ITPR3: variants seen among roughly 807,000 people sequenced by gnomAD.
ITPR3 encodes inositol 1,4,5-trisphosphate-gated calcium channel ITPR3.
A neutral mutation model predicts 293.2 loss-of-function variants in ITPR3; 173 were observed. The observed-to-expected ratio is 0.59, with a 90% CI of 0.52 to 0.67. The LOEUF is 0.67. Among genes scored for constraint, ITPR3 ranks in the 30% least tolerant of loss-of-function variants. The pLI, the probability that ITPR3 is intolerant of heterozygous loss-of-function variation, is 0.00. For missense variants in ITPR3, 2,796 were observed against 3,592.1 expected (o/e 0.78, Z 5.66); for synonymous variants, 1,295 against 1,444.4 (o/e 0.90, Z 2.35).
rs1376529086 is a variant in ITPR3, at chr6:33,667,575, C to T, written c.1714-217C>T. Among the ~76,000 whole-genome samples the T allele has an allele frequency of 1.3e-5, 2 of 152,222 alleles. No individual in the cohort carries two copies. The highest frequency in any genetic ancestry group is 4.8e-5 in the African/African-American group (2 of 41,458). ...CTTCCACACAAACAAGGTCCCTGCC[C>T]TCGTGGAGGTTTCGCTCTGGTGGGA... is the stretch of plus-strand genomic sequence containing the variant. On this transcript the variant is annotated intron_variant, in intron 15 of 57. Transcript: ENST00000605930. This position sits in a 1 kb window ranked among gnomAD's most constrained non-coding sequence, Gnocchi z 4.4.
rs780438879 is a variant in ITPR3, at chr6:33,693,649, G to A, written c.7729G>A (p.Val2577Met). 23 of 1,614,106 alleles carry A rather than the reference G, an allele frequency of 1.4e-5. No homozygotes were observed. Among genetic ancestry groups the A allele is most frequent in the African/African-American group, 9.3e-5 (7 of 74,952 alleles). The change falls in exon 56 of 58, where the codon GTG (valine) becomes ATG (methionine). Residue 2577 changes from valine (V) to methionine (M), a missense_variant. Physicochemically the swap from Val to Met is conservative, Grantham distance 21. This residue lies in a region of ITPR3 where 568 missense variants were observed against 796.1 expected (regional missense o/e 0.71). Transcript: ENST00000605930. ...CTTGTACTTCATTGTGCTGGTCCGC[G>A]TGAAGAACAAGACCGACTACACGGG... is the stretch of plus-strand genomic sequence containing the variant. ...NYLYFIVLVR[V>M]KNKTDYTGPE... is the part of the protein sequence containing the mutation.
At chr6:33,645,899 AC>A in intron 2 of ITPR3, among the ~76,000 whole-genome samples, 1 of 151,362 alleles carries the variant, frequency 6.6e-6, no homozygotes, top group Non-Finnish European at 1.5e-5. Flanking sequence ...GTGCAATGGC[AC>A]GATCTCAGCT....
At chr6:33,677,396 T>G (rs1340199559) in intron 27 of ITPR3, 108 bp from the exon 28 acceptor site, 1 of 1,504,700 alleles carries the variant, frequency 6.6e-7, no homozygotes, top group Non-Finnish European at 9.0e-7. Context: ...TGTGACCTCC[T>G]TCCCCCTTCC....
At chr6:33,678,950 A>G in intron 30 of ITPR3, 111 bp downstream of exon 30, 1 of 1,089,054 alleles carries the variant, frequency 9.2e-7, no homozygotes, top group South Asian at 1.5e-5. Flanking sequence ...CACAAAAGGA[A>G]CACTCAGCTG....
Position 33,621,828 on chromosome 6 carries a change from G to T in ITPR3, c.89+137G>T. The T allele has an allele frequency of 1.5e-6, 1 of 656,618 alleles. No individual in the cohort carries two copies. Among genetic ancestry groups the T allele is most frequent in the South Asian group, 1.9e-5 (1 of 52,580 alleles). The allele number at this position is 656,618 out of a possible 1,614,324, so 40.7% of individuals were successfully genotyped here. ...TAGTCTCAAGGAGCGGGAACGGCTCGCCTCCTTCTTTTACAGAAAGGAAGT... is the reference window on the plus strand; with the variant it reads ...TAGTCTCAAGGAGCGGGAACGGCTCTCCTCCTTCTTTTACAGAAAGGAAGT... On this transcript the variant is annotated intron_variant, in intron 1 of 57. Transcript: ENST00000605930. This position sits in a 1 kb window ranked among gnomAD's most constrained non-coding sequence, Gnocchi z 7.7.
chr6:33,695,093 C>G lies in ITPR3; in HGVS notation c.7947+8C>G, dbSNP rs1321743129. The G allele has an allele frequency of 6.2e-7, 1 of 1,612,748 alleles. No homozygotes were observed. The highest frequency in any genetic ancestry group is 1.7e-5 in the Admixed American group (1 of 60,006). On this transcript the variant is annotated splice_region_variant and intron_variant, in intron 57 of 57. Transcript: ENST00000605930. ...AACGAGCTCAAGGAGCAGGTGTGCA[C>G]CCCGCCTGATCCCAGGCCCACCCTG...
chr6:33,625,579 A>C (rs1763533002), intron 1 of ITPR3, among the ~76,000 whole-genome samples: 1 of 152,152 alleles, frequency 6.6e-6, no homozygotes, highest in Non-Finnish European at 1.5e-5. Context: ...ACAGAAAGTA[A>C]ACTGGGGGAG....
chr6:33,642,738 C>T (rs1053713274), intron 2 of ITPR3, among the ~76,000 whole-genome samples: 1 of 152,144 alleles, frequency 6.6e-6, no homozygotes, highest in African/African-American at 2.4e-5. Flanking sequence ...TGAGGCCCAC[C>T]CCAGGATACC....
chr6:33,657,825 GT>G, intron 3 of ITPR3, 106 bp from the exon 4 acceptor site: 1 of 733,402 alleles, frequency 1.4e-6, no homozygotes. Context: ...CTGTGTGTGT[GT>G]GTGTGTGTTT....
chr6:33,678,100 T>C (rs1764958709), intron 28 of ITPR3, among the ~76,000 whole-genome samples: 1 of 152,144 alleles, frequency 6.6e-6, no homozygotes, highest in Non-Finnish European at 1.5e-5. Context: ...CCCTGGCTCC[T>C]GACTCCAATC....
rs927728632 is a variant in ITPR3 at position 33,670,220 on chromosome 6, T to G, written c.2190-105T>G. ...AATTGCAGCTGGCGCATCTTTAACC[T>G]AATCCCTTTGCCACTTTACTGAGTC... is the stretch of plus-strand genomic sequence containing the variant. On this transcript the variant is annotated intron_variant, in intron 18 of 57. Transcript: ENST00000605930. The surrounding 1 kb of genome is among the most constrained non-coding windows in gnomAD (Gnocchi z 6.7). The G allele has an allele frequency of 2.4e-6, 3 of 1,252,010 alleles. No homozygotes were observed. In the African/African-American group the frequency reaches 4.4e-5, roughly 18 times the overall value. The allele number at this position is 1,252,010 out of a possible 1,614,324, so 77.6% of individuals were successfully genotyped here.
chr6:33,672,144 T>G lies in ITPR3; in HGVS notation c.2844T>G (p.Ala948=). 1.2e-6 allele frequency: 2 copies of G among 1,614,074 alleles called. No individual in the cohort carries two copies. The highest frequency in any genetic ancestry group is 3.3e-4 in the Middle Eastern group (2 of 6,062). The change falls in exon 22 of 58, where the codon GCT becomes GCG. Residue 948 remains alanine (A), a synonymous_variant. Coordinates refer to ENST00000605930, the MANE Select transcript of ITPR3 (RefSeq NM_002224.4). The surrounding 1 kb of genome is among the most constrained non-coding windows in gnomAD (Gnocchi z 5.0). ...GCCTGTCTGCTGGGGCCAGTGCTGC[T>G]GAGCCGCTGGACAGAAGCAAGTTTG... ...APSLSAGASA[A]EPLDRSKFEE...
Position 33,694,987 on chromosome 6 carries a change from G to A in ITPR3, c.7849G>A (p.Gly2617Arg). The change falls in exon 57 of 58, where the codon GGG becomes AGG. Residue 2617 changes from glycine (G) to arginine (R), a missense_variant. This residue lies in a region of ITPR3 where 568 missense variants were observed against 796.1 expected (regional missense o/e 0.71). Transcript: ENST00000605930. ...GTCCCTTGTCAGCAATGAGGGCGAGGGGGAGCAGAATGAGATTCGGATTCT... is the reference window on the plus strand; with the variant it reads ...GTCCCTTGTCAGCAATGAGGGCGAGAGGGAGCAGAATGAGATTCGGATTCT... ...AMSLVSNEGE[G>R]EQNEIRILQD... 1 of 1,614,152 alleles carries A rather than the reference G, an allele frequency of 6.2e-7. No individual in the cohort carries two copies. The highest frequency in any genetic ancestry group is 8.5e-7 in the Non-Finnish European group (1 of 1,180,032).
In ITPR3 at chr6:33,695,088, G is replaced by A. The variant is rs1230999655; in HGVS notation, c.7947+3G>A. 1.2e-6 allele frequency: 2 copies of A among 1,613,396 alleles called. No individual in the cohort carries two copies. Among genetic ancestry groups the A allele is most frequent in the Non-Finnish European group, 1.7e-6 (2 of 1,179,884 alleles). On this transcript the variant is annotated splice_donor_region_variant and intron_variant, in intron 57 of 57. Coordinates refer to ENST00000605930, the MANE Select transcript of ITPR3 (RefSeq NM_002224.4). Reference sequence around the variant, plus strand: ...AGCTCAACGAGCTCAAGGAGCAGGTGTGCACCCCGCCTGATCCCAGGCCCA... The same window carrying A: ...AGCTCAACGAGCTCAAGGAGCAGGTATGCACCCCGCCTGATCCCAGGCCCA...
In ITPR3 at chr6:33,668,777, C is replaced by T. The variant is rs555815204; in HGVS notation, c.2006+143C>T. 185 of 1,377,182 alleles carry T rather than the reference C, an allele frequency of 1.3e-4. 2 individuals are homozygous for T. In the South Asian group the frequency reaches 1.8e-3, roughly 13 times the overall value. The allele number at this position is 1,377,182 out of a possible 1,614,324, so 85.3% of individuals were successfully genotyped here. Reference sequence around the variant, plus strand: ...TGAACTCTGTGCCTGTTATGTGCCCCGCTGTGTGCCTGGCACTGTGGGGGA... The same window carrying T: ...TGAACTCTGTGCCTGTTATGTGCCCTGCTGTGTGCCTGGCACTGTGGGGGA... On this transcript the variant is annotated intron_variant, in intron 17 of 57. Coordinates refer to ENST00000605930, the MANE Select transcript of ITPR3 (RefSeq NM_002224.4).
chr6:33,637,699 G>A (rs1763856313), intron 1 of ITPR3, among the ~76,000 whole-genome samples: 1 of 151,458 alleles, frequency 6.6e-6, no homozygotes, highest in Non-Finnish European at 1.5e-5. Context: ...CTCGATCTCG[G>A]CTCACTGCAA....
intron 33 of ITPR3, 143 bp downstream of exon 33, chr6:33,680,823 T>A: frequency 1.3e-6 from 1 of 783,680 alleles, no homozygotes; most frequent in Non-Finnish European, 1.7e-6. Context: ...TGGTTATCTT[T>A]TTTTTTTTTT....
rs1247717538 is a variant in ITPR3 at position 33,688,445 on chromosome 6, G to A, written c.6568+14G>A. ...GCAAGCTCCGCAGTGAGGACCCACGGGCGGGAGGGTGGGGCGGTCTGGAGC... is the reference window on the plus strand; with the variant it reads ...GCAAGCTCCGCAGTGAGGACCCACGAGCGGGAGGGTGGGGCGGTCTGGAGC... On this transcript the variant is annotated intron_variant, in intron 48 of 57. Coordinates refer to ENST00000605930, the MANE Select transcript of ITPR3 (RefSeq NM_002224.4). 4 of 1,518,108 alleles carry A rather than the reference G, an allele frequency of 2.6e-6. No homozygotes were observed. The highest frequency in any genetic ancestry group is 3.5e-6 in the Non-Finnish European group (4 of 1,137,288). The allele number at this position is 1,518,108 out of a possible 1,614,324, so 94.0% of individuals were successfully genotyped here. A position where few individuals can be genotyped will look rare whatever the true frequency, so the allele number is the denominator to read the frequency against.
At position 33,683,538 on chromosome 6, in the gene ITPR3, T is replaced by C; in HGVS notation, c.4788+141T>C. 3 of 763,744 alleles carry C rather than the reference T, an allele frequency of 3.9e-6. No homozygotes were observed. The highest frequency in any genetic ancestry group is 6.0e-6 in the Non-Finnish European group (3 of 497,286). 47.3% of individuals were successfully genotyped at this position (763,744 alleles called of 1,614,324 possible). A position where few individuals can be genotyped will look rare whatever the true frequency, so the allele number is the denominator to read the frequency against. On this transcript the variant is annotated intron_variant, in intron 35 of 57. Transcript: ENST00000605930. This position sits in a 1 kb window ranked among gnomAD's most constrained non-coding sequence, Gnocchi z 4.5. ...CCAGGAAGGGGCTGGTTGGCTTCTC[T>C]ACACTCTGGGGCTGCTAAGGGCCGA...
Sources: gnomAD v4.1 joint callset for allele counts (sites outside exome capture counted in the v4.1 genomes callset) on GRCh38, gnomAD v4.1.1 for gene constraint, gnomAD v4.1.1 regional missense constraint, Gnocchi (gnomAD v3.1) non-coding constraint, MANE v1.5 for transcripts, NCBI Gene and HGNC (gene_info 2026-07-23, HGNC 2026-07-21) for gene names.